The following EXT1 variants were observed in gnomAD, a reference collection of about 807,000 sequenced individuals.
EXT1 encodes the protein exostosin-1.
EXT1 carries 20 observed loss-of-function variants against 82.5 expected under a neutral mutation model. The observed-to-expected ratio is 0.24, with a 90% CI of 0.17 to 0.35. The LOEUF (loss-of-function observed/expected upper bound fraction) is 0.35, where lower values mean the gene tolerates loss of function less well. Among genes scored for constraint, EXT1 ranks in the 10% least tolerant of loss-of-function variants. The pLI is 1.00. For missense variants in EXT1, 757 were observed against 936.5 expected, an observed-to-expected ratio of 0.81 and a Z score of 2.50; for synonymous variants, 348 against 350.8, an observed-to-expected ratio of 0.99 and a Z score of 0.09.
chr8:117,878,135 G>A lies in EXT1; in HGVS notation c.963-40934C>T, dbSNP rs145632788. Reference sequence around the variant, plus strand: ...CTAAAAGTACAAAACTTAGCCAGGCGTGGTGGCAGGCACCTGTAGTCTCAG... The same window carrying A: ...CTAAAAGTACAAAACTTAGCCAGGCATGGTGGCAGGCACCTGTAGTCTCAG... On this transcript the variant is annotated intron_variant, in intron 1 of 10. Transcript: ENST00000378204. Among the ~76,000 whole-genome samples the A allele has an allele frequency of 1.8e-3, 271 of 152,320 alleles. 5 individuals carry two copies. The East Asian group carries it at 0.043, about 24-fold the overall frequency.
rs966946247 is a variant in EXT1, at chr8:117,799,429, G to C, written c.*283C>G. The C allele has an allele frequency of 7.1e-6, 3 of 420,082 alleles. No homozygotes were observed. Among genetic ancestry groups the C allele is most frequent in the African/African-American group, 5.9e-5 (3 of 51,060 alleles). 26.0% of individuals were successfully genotyped at this position (420,082 alleles called of 1,614,324 possible). On this transcript the variant is annotated 3_prime_UTR_variant, in exon 11 of 11. Transcript: ENST00000378204. ...CATTAAAAAAGTTTAAACCTGCATA[G>C]CAATCATTTCAAAAATAATTATTTA...
chr8:118,049,328 A>G (rs1816680828), intron 1 of EXT1, among the ~76,000 whole-genome samples: 1 of 152,242 alleles, frequency 6.6e-6, no homozygotes, highest in Admixed American at 6.5e-5. Flanking sequence ...ATATATTAGT[A>G]ACCTAAATGT....
chr8:117,880,297 A>G (rs1445898197), intron 1 of EXT1, among the ~76,000 whole-genome samples: 2 of 152,216 alleles, frequency 1.3e-5, no homozygotes, highest in African/African-American at 4.8e-5. Context: ...GTGCTGAATG[A>G]CCAATTTTCT....
chr8:117,906,278 G>A (rs181938439), intron 1 of EXT1, among the ~76,000 whole-genome samples: 12 of 152,246 alleles, frequency 7.9e-5, no homozygotes, highest in Admixed American at 2.0e-4. Flanking sequence ...ACACAAGTTC[G>A]GAACCCATCT....
intron 1 of EXT1, among the ~76,000 whole-genome samples, chr8:118,075,339 T>G (rs1479244623): frequency 6.6e-6 from 1 of 152,224 alleles, no homozygotes; most frequent in Non-Finnish European, 1.5e-5. Flanking sequence ...TTCCCGATAC[T>G]GCAGCTGGAC....
In EXT1 at chr8:118,067,136, T is replaced by C. The variant is rs761708616; in HGVS notation, c.962+42949A>G. On this transcript the variant is annotated intron_variant, in intron 1 of 10. Coordinates refer to ENST00000378204, the MANE Select transcript of EXT1 (RefSeq NM_000127.3). ...AGGTAACTTGCTTTAACCAAAAGAATGTAGTAGAAATGACACTGGGAGACT... is the reference window on the plus strand; with the variant it reads ...AGGTAACTTGCTTTAACCAAAAGAACGTAGTAGAAATGACACTGGGAGACT... 2.5e-4 allele frequency among the ~76,000 whole-genome samples: 38 copies of C among 152,332 alleles called. 1 individual carries two copies. The highest frequency in any genetic ancestry group is 9.1e-4 in the African/African-American group (38 of 41,590).
chr8:117,929,297 A>G (rs967099490), intron 1 of EXT1, among the ~76,000 whole-genome samples: 1 of 152,224 alleles, frequency 6.6e-6, no homozygotes, highest in Admixed American at 6.5e-5. Flanking sequence ...AGATGAAAAG[A>G]TGATCCACAG....
intron 1 of EXT1, among the ~76,000 whole-genome samples, chr8:117,839,211 A>G (rs1231085197): frequency 6.6e-6 from 1 of 152,244 alleles, no homozygotes; most frequent in Non-Finnish European, 1.5e-5. Context: ...TGCAGGAGTT[A>G]GGAAACCACT....
Position 117,915,817 on chromosome 8 carries a change from C to T in EXT1, c.963-78616G>A, listed in dbSNP as rs138442656. ...GTTACAGTGAGCCAAGATCATGCCA[C>T]TGCATTCCAGCGTGGGTGACAGAGC... On this transcript the variant is annotated intron_variant, in intron 1 of 10. Coordinates refer to ENST00000378204, the MANE Select transcript of EXT1 (RefSeq NM_000127.3). 3.4e-3 allele frequency among the ~76,000 whole-genome samples: 513 copies of T among 152,258 alleles called. 3 individuals are homozygous for T. Among genetic ancestry groups the T allele is most frequent in the African/African-American group, 0.011 (466 of 41,550 alleles).
chr8:118,039,144 A>G (rs180841631), intron 1 of EXT1, among the ~76,000 whole-genome samples: 16 of 152,388 alleles, frequency 1.0e-4, no homozygotes, highest in African/African-American at 3.6e-4. Context: ...GAAGACCTCA[A>G]CAGGTTTTGT....
In EXT1 at chr8:117,858,766, A is replaced by AAGGC. The variant is rs71303472; in HGVS notation, c.963-21569_963-21566dup. Reference sequence around the variant, plus strand: ...GAAGGAAGGAAGGAAGGAAGGAAGGAAGGCAGGCAGGCAGGCAGGCAGGCA... The same window carrying AAGGC: ...GAAGGAAGGAAGGAAGGAAGGAAGGAAGGCAGGCAGGCAGGCAGGCAGGCAGGCA... On this transcript the variant is annotated intron_variant, in intron 1 of 10. Coordinates refer to ENST00000378204, the MANE Select transcript of EXT1 (RefSeq NM_000127.3). Among the ~76,000 whole-genome samples, 500 of 54,688 alleles carry AAGGC rather than the reference A, an allele frequency of 9.1e-3. 51 individuals carry two copies. Among genetic ancestry groups the AAGGC allele is most frequent in the African/African-American group, 0.028 (271 of 9,784 alleles). The allele number at this position is 54,688 out of a possible 152,430, so 35.9% of individuals were successfully genotyped here.
At chr8:118,035,461 T>C (rs1306006886) in intron 1 of EXT1, among the ~76,000 whole-genome samples, 1 of 152,122 alleles carries the variant, frequency 6.6e-6, no homozygotes, top group African/African-American at 2.4e-5. Context: ...AAAACTAGGA[T>C]GCAATCCTTG....
intron 1 of EXT1, among the ~76,000 whole-genome samples, chr8:117,856,421 A>ATT (rs1563581243): frequency 0.039 from 4,681 of 119,370 alleles, 107 homozygotes; most frequent in East Asian, 0.067. Flanking sequence ...CGCCTGGCTA[A>ATT]ATTTTTTTTT....
Position 118,082,402 on chromosome 8 carries a change from T to G in EXT1, c.962+27683A>C, listed in dbSNP as rs1409974582. 2.0e-5 allele frequency among the ~76,000 whole-genome samples: 3 copies of G among 152,196 alleles called. No individual in the cohort carries two copies. In the East Asian group the frequency reaches 5.8e-4, roughly 29 times the overall value. ...GAAAAAAAGTTTCTAAAACTAGACA[T>G]CATGAAAAGGCATCTTAAGATTACG... On this transcript the variant is annotated intron_variant, in intron 1 of 10. Coordinates refer to ENST00000378204, the MANE Select transcript of EXT1 (RefSeq NM_000127.3).
intron 1 of EXT1, among the ~76,000 whole-genome samples, chr8:117,847,067 T>C (rs1419015921): frequency 6.6e-6 from 1 of 152,172 alleles, no homozygotes; most frequent in Non-Finnish European, 1.5e-5. Context: ...TCCTACTTTC[T>C]GTTGACCCAA....
chr8:117,887,589 A>C (rs914629150), intron 1 of EXT1, among the ~76,000 whole-genome samples: 1 of 151,904 alleles, frequency 6.6e-6, no homozygotes, highest in Non-Finnish European at 1.5e-5. Context: ...TGACCTCGTG[A>C]TCTGCCCAGC....
At chr8:117,900,849 C>A (rs996039665) in intron 1 of EXT1, among the ~76,000 whole-genome samples, 1 of 152,214 alleles carries the variant, frequency 6.6e-6, no homozygotes, top group Non-Finnish European at 1.5e-5. Flanking sequence ...CTAGTAGCTA[C>A]CATTTATTGG....
intron 1 of EXT1, among the ~76,000 whole-genome samples, chr8:117,948,085 T>C (rs1017786270): frequency 1.3e-5 from 2 of 152,296 alleles, no homozygotes; most frequent in East Asian, 1.9e-4. Context: ...GTTTAATTTA[T>C]ATCCTACCTC....
intron 1 of EXT1, among the ~76,000 whole-genome samples, chr8:117,841,073 T>C (rs1001276424): frequency 6.6e-6 from 1 of 152,210 alleles, no homozygotes; most frequent in Admixed American, 6.5e-5. Context: ...TGGGCATGTA[T>C]CCCAGAGAAA....
Sources: allele counts gnomAD v4.1 joint callset (sites outside exome capture counted in the v4.1 genomes callset), GRCh38; gene constraint gnomAD v4.1.1; transcripts MANE v1.5; gene names NCBI Gene and HGNC (gene_info 2026-07-23, HGNC 2026-07-21).